The following TENM4 variants were observed in gnomAD, a reference collection of about 807,000 sequenced individuals.
TENM4 encodes teneurin transmembrane protein 4.
A neutral mutation model predicts 243.3 loss-of-function variants in TENM4; 82 were observed. The ratio of observed to expected loss-of-function variants is 0.34; its 90% CI spans 0.28 to 0.40. The LOEUF (loss-of-function observed/expected upper bound fraction) is 0.40. Ranked by LOEUF, TENM4 falls within the 10% of genes least tolerant of loss-of-function variation. The pLI is 1.00. For missense variants in TENM4, 3,138 were observed against 3,673.3 expected (o/e 0.85, Z 3.77); for synonymous variants, 1,412 against 1,456.3 (o/e 0.97, Z 0.69).
chr11:78,732,607 C>A (rs201741437), intron 20 of TENM4, 30 bp from the exon 21 acceptor site: 57 of 1,556,304 alleles, frequency 3.7e-5, no homozygotes, highest in Non-Finnish European at 4.9e-5. Context: ...TGAGAAGGGG[C>A]GGGGAGCAGG....
At chr11:79,162,846 G>A (rs915904081) in intron 3 of TENM4, among the ~76,000 whole-genome samples, 9 of 152,214 alleles carry the variant, frequency 5.9e-5, no homozygotes, top group East Asian at 1.9e-4. Flanking sequence ...TTCATCTGCT[G>A]CACAGCATGC....
intron 17 of TENM4, among the ~76,000 whole-genome samples, chr11:78,774,331 A>G (rs1856700976): frequency 6.6e-6 from 1 of 152,182 alleles, no homozygotes; most frequent in Non-Finnish European, 1.5e-5. Flanking sequence ...GTCAAAAGCT[A>G]TGGTCCTTAT....
At chr11:79,110,912 A>G (rs1861488990) in intron 4 of TENM4, among the ~76,000 whole-genome samples, 1 of 152,172 alleles carries the variant, frequency 6.6e-6, no homozygotes, top group Non-Finnish European at 1.5e-5. Flanking sequence ...CTCATTCACT[A>G]AAAGAGTATC....
intron 1 of TENM4, among the ~76,000 whole-genome samples, chr11:79,391,788 CT>C (rs1283604383): frequency 2.6e-5 from 4 of 152,120 alleles, no homozygotes; most frequent in African/African-American, 7.2e-5. Context: ...TTTCAAAAAT[CT>C]AAAAACAAAC....
chr11:79,281,110 A>G (rs1372682156), intron 2 of TENM4, among the ~76,000 whole-genome samples: 7 of 152,172 alleles, frequency 4.6e-5, no homozygotes, highest in Non-Finnish European at 7.4e-5. Flanking sequence ...ATAGAGATGA[A>G]GGAGATGCAC....
chr11:79,185,320 C>A (rs1261009416), intron 3 of TENM4, among the ~76,000 whole-genome samples: 1 of 151,984 alleles, frequency 6.6e-6, no homozygotes, highest in Admixed American at 6.6e-5. Context: ...ACAACAACAA[C>A]AACAACAACA....
chr11:78,941,000 C>A (rs1360831369), intron 6 of TENM4, among the ~76,000 whole-genome samples: 1 of 152,204 alleles, frequency 6.6e-6, no homozygotes, highest in Non-Finnish European at 1.5e-5. Flanking sequence ...CAAATTGCCT[C>A]ACTTTGTCAA....
chr11:78,901,835 T>A (rs1201886850), intron 7 of TENM4, among the ~76,000 whole-genome samples: 2 of 152,188 alleles, frequency 1.3e-5, no homozygotes, highest in Admixed American at 1.3e-4. Context: ...ATTAAGAGAC[T>A]GGAGGCGGGA....
intron 1 of TENM4, among the ~76,000 whole-genome samples, chr11:79,437,717 C>T (rs12808252): frequency 0.33 from 50,828 of 152,034 alleles, 8,467 homozygotes; most frequent in South Asian, 0.4. Context: ...CCCGGCTCGC[C>T]GGGAAACAGG....
chr11:79,261,148 C>G (rs1296214530), intron 2 of TENM4, among the ~76,000 whole-genome samples: 2 of 152,158 alleles, frequency 1.3e-5, no homozygotes, highest in Non-Finnish European at 2.9e-5. Context: ...AATTTCTGAC[C>G]TGAGCCATGG....
intron 12 of TENM4, among the ~76,000 whole-genome samples, chr11:78,824,137 G>A (rs564977416): frequency 1.3e-5 from 2 of 152,270 alleles, no homozygotes; most frequent in East Asian, 3.9e-4. Context: ...ATAAAAGCAT[G>A]CTGTATTAGT....
At chr11:79,391,242 T>C (rs1858226545) in intron 1 of TENM4, among the ~76,000 whole-genome samples, 1 of 152,176 alleles carries the variant, frequency 6.6e-6, no homozygotes. Context: ...GCTATTGTTT[T>C]ATAGTTCCTT....
intron 1 of TENM4, among the ~76,000 whole-genome samples, chr11:79,338,227 A>C (rs1857185602): frequency 6.6e-6 from 1 of 152,186 alleles, no homozygotes; most frequent in Non-Finnish European, 1.5e-5. Flanking sequence ...CCACAATAAA[A>C]ACCAGGGAGG....
chr11:78,719,625 TA>T (rs532997677), intron 25 of TENM4, among the ~76,000 whole-genome samples: 103 of 152,332 alleles, frequency 6.8e-4, no homozygotes, highest in African/African-American at 2.2e-3. Flanking sequence ...GCTGCAGCTC[TA>T]TCTGCCCATG....
chr11:79,267,745 T>C (rs375239135), intron 2 of TENM4, among the ~76,000 whole-genome samples: 29 of 152,310 alleles, frequency 1.9e-4, no homozygotes, highest in South Asian at 8.3e-4. Context: ...CTTGATAAAC[T>C]GTAGTTTGTT....
At chr11:79,121,488 C>T (rs992892981) in intron 4 of TENM4, among the ~76,000 whole-genome samples, 1 of 152,210 alleles carries the variant, frequency 6.6e-6, no homozygotes, top group Non-Finnish European at 1.5e-5. Context: ...GGGTTCCCAG[C>T]CAAGTAGCTT....
At chr11:78,691,982 C>T (rs1002112073) in intron 28 of TENM4, among the ~76,000 whole-genome samples, 1 of 152,112 alleles carries the variant, frequency 6.6e-6, no homozygotes, top group African/African-American at 2.4e-5. Flanking sequence ...CTCTGGGCCC[C>T]GCACACCTTT....
intron 1 of TENM4, among the ~76,000 whole-genome samples, chr11:79,370,845 G>C (rs1162718783): frequency 7.7e-6 from 1 of 130,290 alleles, no homozygotes; most frequent in Non-Finnish European, 1.6e-5. Context: ...TAACGTTTTT[G>C]CTTAAAAAAT....
chr11:79,044,442 G>C (rs1185403025), intron 6 of TENM4, among the ~76,000 whole-genome samples: 2 of 152,214 alleles, frequency 1.3e-5, no homozygotes, highest in Non-Finnish European at 2.9e-5. Flanking sequence ...GCAGGACTGG[G>C]TAGGGAAGAT....
Sources: allele counts gnomAD v4.1 joint callset (sites outside exome capture counted in the v4.1 genomes callset), GRCh38; gene constraint gnomAD v4.1.1; transcripts MANE v1.5; gene names NCBI Gene and HGNC (gene_info 2026-07-23, HGNC 2026-07-21).